MAP3K7: variants seen among roughly 807,000 people sequenced by gnomAD.
MAP3K7 encodes the protein TGF-beta activated kinase 1.
Under a neutral mutation model 84.8 loss-of-function variants are expected in MAP3K7, and 21 were observed. That is an observed-to-expected ratio of 0.25 (90% confidence interval 0.18 to 0.36). The LOEUF is 0.36. Ranked by LOEUF, MAP3K7 falls within the 10% of genes least tolerant of loss-of-function variation. MAP3K7 has a pLI of 1.00. For missense variants in MAP3K7, 503 were observed against 747.7 expected (o/e 0.67, Z 3.82); for synonymous variants, 241 against 247.7 (o/e 0.97, Z 0.25).
chr6:90,552,343 G>A (rs1776208794), intron 7 of MAP3K7, among the ~76,000 whole-genome samples, 164 bp from the exon 8 acceptor site: 1 of 152,170 alleles, frequency 6.6e-6, no homozygotes, highest in Non-Finnish European at 1.5e-5. Flanking sequence ...CAATTAACAA[G>A]TTAGTTCTTT....
chr6:90,529,132 G>C (rs990341872), intron 13 of MAP3K7, among the ~76,000 whole-genome samples: 7 of 152,146 alleles, frequency 4.6e-5, no homozygotes, highest in East Asian at 3.9e-4. Flanking sequence ...GATTGTTACT[G>C]AATCAATTCT....
chr6:90,585,905 T>C (rs1777430785), intron 1 of MAP3K7, among the ~76,000 whole-genome samples: 1 of 152,218 alleles, frequency 6.6e-6, no homozygotes, highest in Non-Finnish European at 1.5e-5. Context: ...GCCGAGCATT[T>C]AAACATTACG....
intron 1 of MAP3K7, among the ~76,000 whole-genome samples, chr6:90,585,618 C>CTTTTTTTTTTTTTTTTTTTTTTTTTTT (rs1562116546): frequency 3.3e-5 from 5 of 150,482 alleles, no homozygotes; most frequent in African/African-American, 1.3e-4. Flanking sequence ...GCAGTTTTTA[C>CTTTTTTTTTTTTTTTTTTTTTTTTTTT]TTTTCTAAAT....
intron 6 of MAP3K7, among the ~76,000 whole-genome samples, chr6:90,554,351 T>A (rs1776270733): frequency 2.0e-5 from 3 of 152,186 alleles, no homozygotes; most frequent in Admixed American, 2.0e-4. Flanking sequence ...ATTTATAAAC[T>A]TAAACATTAC....
At position 90,542,472 on chromosome 6, in the gene MAP3K7, A is replaced by T. The variant is rs187446158; in HGVS notation, c.1291+2080T>A. ...GAATTAAGGTTACCTGATTCCATAA[A>T]GGCCCAATGTCATAAAAGAGGATCT... On this transcript the variant is annotated intron_variant, in intron 12 of 16. Coordinates refer to ENST00000369329, the MANE Select transcript of MAP3K7 (RefSeq NM_145331.3). The T allele has an allele frequency of 2.6e-4, 257 of 985,212 alleles. No individual in the cohort carries two copies. The African/African-American group carries it at 4.2e-3, about 16-fold the overall frequency. 61.0% of individuals were successfully genotyped at this position (985,212 alleles called of 1,614,324 possible). A position where few individuals can be genotyped will look rare whatever the true frequency, so the allele number is the denominator to read the frequency against.
At chr6:90,557,459 A>G (rs1776372309) in intron 5 of MAP3K7, among the ~76,000 whole-genome samples, 1 of 152,204 alleles carries the variant, frequency 6.6e-6, no homozygotes, top group African/African-American at 2.4e-5. Flanking sequence ...TGTGACTAAA[A>G]TAAGTCAGAT....
intron 1 of MAP3K7, among the ~76,000 whole-genome samples, chr6:90,574,208 A>T (rs1776997272): frequency 6.6e-6 from 1 of 152,234 alleles, no homozygotes; most frequent in Non-Finnish European, 1.5e-5. Context: ...AATACTACAA[A>T]GAACAGTAAG....
At chr6:90,553,402 G>C (rs1212501318) in intron 7 of MAP3K7, 56 bp downstream of exon 7, 1 of 1,521,178 alleles carries the variant, frequency 6.6e-7, no homozygotes, top group Non-Finnish European at 9.0e-7. Context: ...GACAGGAGTA[G>C]TCTTCCAAGT....
chr6:90,550,725 A>G, intron 8 of MAP3K7, 176 bp from the exon 9 acceptor site: 1 of 477,126 alleles, frequency 2.1e-6, no homozygotes, highest in Non-Finnish European at 3.7e-6. Context: ...CCATGCACCT[A>G]CCTAAGAATC....
intron 15 of MAP3K7, 73 bp from the exon 16 acceptor site, chr6:90,518,635 A>G (rs1452595683): frequency 2.6e-6 from 2 of 768,472 alleles, no homozygotes; most frequent in African/African-American, 3.5e-5. Context: ...GAGTCAAGAC[A>G]GAGACTGTGA....
At position 90,551,906 on chromosome 6, in the gene MAP3K7, A is replaced by C. The variant is rs562355934; in HGVS notation, c.867+143T>G. 1.1e-5 allele frequency: 9 copies of C among 827,734 alleles called. No homozygotes were observed. The East Asian group carries it at 2.3e-4, about 22-fold the overall frequency. The allele number at this position is 827,734 out of a possible 1,614,324, so 51.3% of individuals were successfully genotyped here. A position where few individuals can be genotyped will look rare whatever the true frequency, so the allele number is the denominator to read the frequency against. ...CGAAATGTTTCCTCTTCTGACTATG[A>C]GTAATAAATGCCCATTCTCACTTAG... is the stretch of plus-strand genomic sequence containing the variant. On this transcript the variant is annotated intron_variant, in intron 8 of 16. Coordinates refer to ENST00000369329, the MANE Select transcript of MAP3K7 (RefSeq NM_145331.3).
rs1399017305 is a variant in MAP3K7 at position 90,548,008 on chromosome 6, G to T, written c.1080+39C>A. ...CAGTTAGTATAATATTGTGACTACT[G>T]GTAAGGTTACCAGTTTTACTTGTAA... On this transcript the variant is annotated intron_variant, in intron 10 of 16. Transcript: ENST00000369329. 18 of 1,563,960 alleles carry T rather than the reference G, an allele frequency of 1.2e-5. No homozygotes were observed. In the East Asian group the frequency reaches 4.1e-4, roughly 36 times the overall value.
rs370100496 is a variant in MAP3K7, at chr6:90,523,635, T to G, written c.1462+43A>C. 2.3e-6 allele frequency: 3 copies of G among 1,284,008 alleles called. No homozygotes were observed. In the East Asian group the frequency reaches 6.9e-5, roughly 30 times the overall value. 79.5% of individuals were successfully genotyped at this position (1,284,008 alleles called of 1,614,324 possible). ...TGACATGGCCAAATGAATATAAACA[T>G]GACTGATTCAACTTCATAAGTATGA... is the stretch of plus-strand genomic sequence containing the variant. On this transcript the variant is annotated intron_variant, in intron 14 of 16. Coordinates refer to ENST00000369329, the MANE Select transcript of MAP3K7 (RefSeq NM_145331.3).
intron 9 of MAP3K7, among the ~76,000 whole-genome samples, chr6:90,549,713 G>T (rs983954213): frequency 1.3e-5 from 2 of 152,138 alleles, no homozygotes; most frequent in African/African-American, 4.8e-5. Context: ...GAATTTTAGA[G>T]AAGTACATTT....
At chr6:90,563,073 T>A (rs1425463629) in intron 3 of MAP3K7, among the ~76,000 whole-genome samples, 1 of 152,092 alleles carries the variant, frequency 6.6e-6, no homozygotes, top group Non-Finnish European at 1.5e-5. Flanking sequence ...CCCATCTGTA[T>A]GTCACCATCA....
intron 9 of MAP3K7, among the ~76,000 whole-genome samples, chr6:90,548,715 T>C (rs1776083766): frequency 6.6e-6 from 1 of 150,958 alleles, no homozygotes; most frequent in Non-Finnish European, 1.5e-5. Flanking sequence ...CCAACATTTC[T>C]AGGTTGGGGA....
intron 1 of MAP3K7, among the ~76,000 whole-genome samples, chr6:90,573,533 C>G (rs945943085): frequency 6.6e-6 from 1 of 152,166 alleles, no homozygotes; most frequent in Non-Finnish European, 1.5e-5. Context: ...CCATGTTGTT[C>G]AATGTCTAAA....
Position 90,576,075 on chromosome 6 carries a change from T to C in MAP3K7, c.121-4268A>G, listed in dbSNP as rs182382061. ...GACAACAACAAAAAATAGGATGCTATGACCAAGAGACTAGTGGCAGCTCCA... is the reference window on the plus strand; with the variant it reads ...GACAACAACAAAAAATAGGATGCTACGACCAAGAGACTAGTGGCAGCTCCA... On this transcript the variant is annotated intron_variant, in intron 1 of 16. Coordinates refer to ENST00000369329, the MANE Select transcript of MAP3K7 (RefSeq NM_145331.3). 1.2e-3 allele frequency among the ~76,000 whole-genome samples: 178 copies of C among 152,228 alleles called. 1 individual carries two copies. Among genetic ancestry groups the C allele is most frequent in the African/African-American group, 3.9e-3 (161 of 41,548 alleles).
At chr6:90,536,470 C>CAGCAGAA in intron 12 of MAP3K7, 69 bp from the exon 13 acceptor site, 1 of 1,216,744 alleles carries the variant, frequency 8.2e-7, no homozygotes, top group Non-Finnish European at 1.2e-6. Flanking sequence ...GTAATTGCTA[C>CAGCAGAA]AGCAGAAAGT....
Sources: gnomAD v4.1 joint callset for allele counts (sites outside exome capture counted in the v4.1 genomes callset) on GRCh38, gnomAD v4.1.1 for gene constraint, MANE v1.5 for transcripts, NCBI Gene and HGNC (gene_info 2026-07-23, HGNC 2026-07-21) for gene names.